The following LRRC40 variants were observed in gnomAD, a reference collection of about 807,000 sequenced individuals.
The protein encoded by LRRC40 is leucine rich repeat containing 40.
Under a neutral mutation model 72.8 loss-of-function variants are expected in LRRC40, and 76 were observed. The ratio of observed to expected loss-of-function variants is 1.04; its 90% CI spans 0.87 to 1.26. The LOEUF (loss-of-function observed/expected upper bound fraction) is 1.26. LRRC40 is among the 50% of genes most tolerant of loss of function. The probability of loss-of-function intolerance (pLI) is 0.00; values close to 1 mark genes in which losing one functional copy is unlikely to be tolerated. For missense variants in LRRC40, 684 were observed against 698.9 expected (o/e 0.98, Z 0.24); for synonymous variants, 243 against 254.2 (o/e 0.96, Z 0.42).
chr1:70,167,491 C>T lies in LRRC40; in HGVS notation c.1111+5974G>A, dbSNP rs537742700. The stretch of plus-strand genomic sequence containing the variant: ...GGCAGAATTCCTTGAACCTGGGAGG[C>T]GGAGGATGCAGTGAGCTGAGATTGC... On this transcript the variant is annotated intron_variant, in intron 9 of 14. Coordinates refer to ENST00000370952, the MANE Select transcript of LRRC40 (RefSeq NM_017768.5). 2.0e-5 allele frequency among the ~76,000 whole-genome samples: 3 copies of T among 151,906 alleles called. No homozygotes were observed. The East Asian group carries it at 5.9e-4, about 30-fold the overall frequency.
chr1:70,148,177 G>A (rs554867978), intron 14 of LRRC40, among the ~76,000 whole-genome samples: 1 of 149,240 alleles, frequency 6.7e-6, no homozygotes, highest in South Asian at 2.1e-4. Flanking sequence ...CAAAGCTAAG[G>A]AGTTAATATT....
At chr1:70,168,137 A>T (rs1296074683) in intron 9 of LRRC40, among the ~76,000 whole-genome samples, 1 of 152,164 alleles carries the variant, frequency 6.6e-6, no homozygotes, top group African/African-American at 2.4e-5. Context: ...TCTCCCAGCC[A>T]GAGGGCTTTC....
intron 14 of LRRC40, chr1:70,146,906 C>T (rs2100216885): frequency 6.6e-6 from 1 of 152,068 alleles, no homozygotes; most frequent in South Asian, 2.1e-4. Context: ...TTATTTTTAA[C>T]AGTTAAGTGT....
At chr1:70,202,045 G>A (rs966222180) in intron 1 of LRRC40, among the ~76,000 whole-genome samples, 2 of 152,062 alleles carry the variant, frequency 1.3e-5, no homozygotes, top group African/African-American at 4.8e-5. Context: ...CCAAAAACCT[G>A]ATCATACCAA....
Position 70,145,361 on chromosome 1 carries a change from T to G in LRRC40, c.*439A>C, listed in dbSNP as rs1304961772. 1.3e-5 allele frequency: 2 copies of G among 152,256 alleles called. No homozygotes were observed. Among genetic ancestry groups the G allele is most frequent in the Non-Finnish European group, 2.9e-5 (2 of 68,080 alleles). 9.4% of individuals were successfully genotyped at this position (152,256 alleles called of 1,614,324 possible). On this transcript the variant is annotated 3_prime_UTR_variant, in exon 15 of 15. Transcript: ENST00000370952. ...AAACATAGAAACTGGCTAGTCATATTCAAGTCAATTGGTCACATTGTATGG... is the reference window on the plus strand; with the variant it reads ...AAACATAGAAACTGGCTAGTCATATGCAAGTCAATTGGTCACATTGTATGG...
intron 2 of LRRC40, among the ~76,000 whole-genome samples, chr1:70,188,431 T>C (rs1668415794): frequency 6.6e-6 from 1 of 152,118 alleles, no homozygotes. Flanking sequence ...TCTAGAATAA[T>C]AATGATAAAA....
Position 70,175,998 on chromosome 1 carries a change from T to G in LRRC40, c.805-16A>C. On this transcript the variant is annotated splice_polypyrimidine_tract_variant and intron_variant, in intron 6 of 14. Coordinates refer to ENST00000370952, the MANE Select transcript of LRRC40 (RefSeq NM_017768.5). The stretch of plus-strand genomic sequence containing the variant: ...CGTGCAATTCCTACAAAATCAAAGA[T>G]GAGTTATGTGTATCTCTGTATTCAA... The G allele has an allele frequency of 6.6e-7, 1 of 1,516,112 alleles. No homozygotes were observed. Among genetic ancestry groups the G allele is most frequent in the Non-Finnish European group, 8.8e-7 (1 of 1,130,104 alleles). 93.9% of individuals were successfully genotyped at this position (1,516,112 alleles called of 1,614,324 possible).
At chr1:70,170,718 A>C (rs1214125584) in intron 9 of LRRC40, among the ~76,000 whole-genome samples, 1 of 152,190 alleles carries the variant, frequency 6.6e-6, no homozygotes, top group East Asian at 1.9e-4. Flanking sequence ...AAAGAGATTA[A>C]AGATCTAAAA....
chr1:70,205,487 T>C lies in LRRC40; in HGVS notation c.54A>G (p.Ala18=), dbSNP rs765237665. ...AGQDLRAGFK[A]GGRDCGTSVP... is the part of the protein sequence containing the mutation. ...CCGAGGTACCGCAGTCTCTTCCACC[T>C]GCTTTGAAACCAGCGCGGAGATCCT... is the stretch of plus-strand genomic sequence containing the variant. Residue 18 remains alanine (A), a synonymous_variant, in exon 1 of 15, where the codon GCA becomes GCG. Transcript: ENST00000370952. 6.2e-7 allele frequency: 1 copy of C among 1,607,958 alleles called. No individual in the cohort carries two copies. The highest frequency in any genetic ancestry group is 8.5e-7 in the Non-Finnish European group (1 of 1,175,018).
Position 70,178,932 on chromosome 1 carries a change from G to A in LRRC40, c.723C>T (p.Gly241=). ...LLETIPPELA[G]MESLELLYLR... Reference sequence around the variant, plus strand: ...AATAAAGCAATTCTAGTGATTCCATGCCAGCCAATTCAGGAGGTATAGTTT... The same window carrying A: ...AATAAAGCAATTCTAGTGATTCCATACCAGCCAATTCAGGAGGTATAGTTT... Residue 241 remains glycine (G), a synonymous_variant, in exon 6 of 15, where the codon GGC becomes GGT. Transcript: ENST00000370952. 1.9e-6 allele frequency: 3 copies of A among 1,600,750 alleles called. No individual in the cohort carries two copies. The highest frequency in any genetic ancestry group is 2.6e-6 in the Non-Finnish European group (3 of 1,170,922).
At chr1:70,167,230 TAAAAAAA>T (rs376215808) in intron 9 of LRRC40, among the ~76,000 whole-genome samples, 11 of 126,938 alleles carry the variant, frequency 8.7e-5, no homozygotes, top group Non-Finnish European at 1.4e-4. Context: ...TAAAAAGTGT[TAAAAAAA>T]AAAAAAAAAA....
At chr1:70,180,213 G>T (rs1668212194) in intron 5 of LRRC40, 1 of 152,134 alleles carries the variant, frequency 6.6e-6, no homozygotes, top group Non-Finnish European at 1.5e-5. Context: ...TCCCACTATT[G>T]ATCAGATGGG....
intron 1 of LRRC40, among the ~76,000 whole-genome samples, chr1:70,190,098 T>A (rs1289101999): frequency 6.6e-6 from 1 of 152,194 alleles, no homozygotes; most frequent in Non-Finnish European, 1.5e-5. Context: ...GGTAGAATGC[T>A]GTAGTGTTGT....
Position 70,205,457 on chromosome 1 carries a change from G to C in LRRC40, c.84C>G (p.Pro28=). 1 of 1,609,582 alleles carries C rather than the reference G, an allele frequency of 6.2e-7. No homozygotes were observed. The highest frequency in any genetic ancestry group is 8.5e-7 in the Non-Finnish European group (1 of 1,176,360). ...AGGRDCGTSV[P]QGLLKAARKS... ...TCCTCGCTGCCTTCAACAGCCCTTG[G>C]GGTACCGAGGTACCGCAGTCTCTTC... Residue 28 remains proline (P), a synonymous_variant, in exon 1 of 15, where the codon CCC becomes CCG. Transcript: ENST00000370952.
intron 9 of LRRC40, among the ~76,000 whole-genome samples, chr1:70,163,287 T>C (rs576638965): frequency 6.6e-6 from 1 of 152,164 alleles, no homozygotes; most frequent in African/African-American, 2.4e-5. Flanking sequence ...CGGGGTTTCA[T>C]CATCTTGGCC....
intron 1 of LRRC40, among the ~76,000 whole-genome samples, chr1:70,194,351 G>A (rs1042260002): frequency 2.0e-5 from 3 of 152,004 alleles, no homozygotes; most frequent in African/African-American, 4.8e-5. Context: ...CAAGACATCC[G>A]AAACCATGAA....
chr1:70,196,710 A>C (rs1234546574), intron 1 of LRRC40, among the ~76,000 whole-genome samples: 2 of 152,236 alleles, frequency 1.3e-5, no homozygotes, highest in African/African-American at 4.8e-5. Flanking sequence ...ATTGACAAAA[A>C]GCAGATCCGT....
At chr1:70,204,049 A>C (rs1668822509) in intron 1 of LRRC40, among the ~76,000 whole-genome samples, 1 of 152,262 alleles carries the variant, frequency 6.6e-6, no homozygotes, top group Admixed American at 6.5e-5. Flanking sequence ...CAATAACCTA[A>C]GCAGTTCTAA....
chr1:70,153,738 T>C (rs904403646), intron 11 of LRRC40, among the ~76,000 whole-genome samples: 7 of 152,042 alleles, frequency 4.6e-5, no homozygotes, highest in Admixed American at 3.3e-4. Context: ...TCCCAGCACT[T>C]TGGAAGGCCA....
Sources: gnomAD v4.1 joint callset for allele counts (sites outside exome capture counted in the v4.1 genomes callset) on GRCh38, gnomAD v4.1.1 for gene constraint, MANE v1.5 for transcripts, NCBI Gene and HGNC (gene_info 2026-07-23, HGNC 2026-07-21) for gene names.